NCOA6: variants seen among roughly 807,000 people sequenced by gnomAD.
The protein encoded by NCOA6 is nuclear receptor coactivator 6, also known as NRC RAP250.
Under a neutral mutation model 171.4 loss-of-function variants are expected in NCOA6, and 49 were observed. That is an observed-to-expected ratio of 0.29 (90% confidence interval 0.23 to 0.36). NCOA6 has a LOEUF of 0.36. Among genes scored for constraint, NCOA6 ranks in the 10% least tolerant of loss-of-function variants. The probability of loss-of-function intolerance (pLI) is 1.00; values close to 1 mark genes in which losing one functional copy is unlikely to be tolerated. For missense variants in NCOA6, 2,248 were observed against 2,554.5 expected (o/e 0.88, Z 2.59); for synonymous variants, 910 against 927.5 (o/e 0.98, Z 0.34).
intron 5 of NCOA6, among the ~76,000 whole-genome samples, chr20:34,761,443 G>A (rs778363806): frequency 6.8e-6 from 1 of 147,482 alleles, no homozygotes; most frequent in African/African-American, 2.5e-5. Context: ...GCATTTTTAC[G>A]TTTCCAAAAA....
chr20:34,810,419 C>G lies in NCOA6; in HGVS notation c.-164+15053G>C, dbSNP rs149538366. On this transcript the variant is annotated intron_variant, in intron 1 of 14. Coordinates refer to ENST00000359003, the MANE Select transcript of NCOA6 (RefSeq NM_014071.5). ...AAAAAATAAGTATTACAAGTGAGAA[C>G]TGCAAAAAACAAGCAAACAAGTAAA... 2.2e-4 allele frequency among the ~76,000 whole-genome samples: 33 copies of G among 152,292 alleles called. No homozygotes were observed. The East Asian group carries it at 5.8e-3, about 27-fold the overall frequency.
rs374317909 is a variant in NCOA6, at chr20:34,767,731, T to G, written c.514+733A>C. Among the ~76,000 whole-genome samples the G allele has an allele frequency of 5.3e-5, 8 of 152,198 alleles. No individual in the cohort carries two copies. The South Asian group carries it at 1.4e-3, about 28-fold the overall frequency. ...AACCACAGCAGCTGTGCTTTTCTGT[T>G]TTATTTGAATAAAGGGTCCTGAAGC... On this transcript the variant is annotated intron_variant, in intron 5 of 14. Coordinates refer to ENST00000359003, the MANE Select transcript of NCOA6 (RefSeq NM_014071.5).
At chr20:34,768,615 A>T in intron 4 of NCOA6, 29 bp from the exon 5 acceptor site, 1 of 1,609,250 alleles carries the variant, frequency 6.2e-7, no homozygotes. Context: ...ATAAAAAGGA[A>T]ATCATTAGAA....
chr20:34,750,585 C>A, intron 8 of NCOA6, 66 bp from the exon 9 acceptor site: 3 of 1,431,276 alleles, frequency 2.1e-6, no homozygotes, highest in Non-Finnish European at 2.8e-6. Flanking sequence ...TTAAGATACT[C>A]AAGTTACATT....
chr20:34,782,152 T>C lies in NCOA6; in HGVS notation c.204A>G (p.Ile68Met), dbSNP rs1255120246. 6.2e-7 allele frequency: 1 copy of C among 1,605,872 alleles called. No homozygotes were observed. The highest frequency in any genetic ancestry group is 8.5e-7 in the Non-Finnish European group (1 of 1,176,074). ...DKDFKWKLDAILKNVPNLLHM... is the reference protein window; with the variant it reads ...DKDFKWKLDAMLKNVPNLLHM... ...GTAACAAATTGGGCACGTTTTTCAA[T>C]ATTGCATCTAATTTCCATTTGAAGT... The change falls in exon 3 of 15, where the codon ATA (isoleucine) becomes ATG (methionine). Residue 68 changes from isoleucine to methionine, a missense_variant. Ile to Met is a conservative substitution (Grantham distance 10). Transcript: ENST00000359003.
chr20:34,780,863 A>C, intron 3 of NCOA6, among the ~76,000 whole-genome samples: 1 of 150,130 alleles, frequency 6.7e-6, no homozygotes, highest in East Asian at 2.0e-4. Context: ...TATATTGTCC[A>C]GGTTGGTCTT....
At chr20:34,810,580 G>A in intron 1 of NCOA6, among the ~76,000 whole-genome samples, 1 of 151,424 alleles carries the variant, frequency 6.6e-6, no homozygotes, top group Non-Finnish European at 1.5e-5. Context: ...TTTTGAGACG[G>A]AGTCTCGCTC....
chr20:34,802,722 T>A (rs552244825), intron 1 of NCOA6, among the ~76,000 whole-genome samples: 1 of 152,294 alleles, frequency 6.6e-6, no homozygotes, highest in East Asian at 1.9e-4. Flanking sequence ...AAAATATAGG[T>A]TTAATTATAT....
intron 13 of NCOA6, among the ~76,000 whole-genome samples, chr20:34,732,019 T>C (rs375051491): frequency 4.8e-4 from 73 of 152,280 alleles, no homozygotes; most frequent in African/African-American, 1.7e-3. Flanking sequence ...AGACTCTGTC[T>C]CCAAAAAAAG....
intron 4 of NCOA6, among the ~76,000 whole-genome samples, chr20:34,770,175 G>C (rs764309839): frequency 6.6e-6 from 1 of 152,082 alleles, no homozygotes; most frequent in African/African-American, 2.4e-5. Flanking sequence ...GAGTAGCTGG[G>C]ATTACAGGCA....
At chr20:34,790,480 G>A (rs1016673022) in intron 2 of NCOA6, among the ~76,000 whole-genome samples, 4 of 149,754 alleles carry the variant, frequency 2.7e-5, no homozygotes, top group Admixed American at 6.7e-5. Flanking sequence ...TCAACCTCCC[G>A]AGCAGCTGAG....
At chr20:34,758,665 GA>G in intron 6 of NCOA6, 139 bp downstream of exon 6, 1 of 1,129,390 alleles carries the variant, frequency 8.9e-7, no homozygotes. Flanking sequence ...TTAGTTTGAA[GA>G]AATCAGGTCA....
At chr20:34,788,837 G>C (rs1460334833) in intron 2 of NCOA6, among the ~76,000 whole-genome samples, 6 of 152,180 alleles carry the variant, frequency 3.9e-5, no homozygotes, top group Non-Finnish European at 7.4e-5. Context: ...CCCAGCTACT[G>C]GGAGGCTAAG....
At chr20:34,773,997 T>C (rs2077232992) in intron 4 of NCOA6, among the ~76,000 whole-genome samples, 1 of 152,242 alleles carries the variant, frequency 6.6e-6, no homozygotes, top group Admixed American at 6.5e-5. Flanking sequence ...ATCATTGTCA[T>C]ATGTGAATTT....
At chr20:34,812,928 G>A (rs2078715451) in intron 1 of NCOA6, among the ~76,000 whole-genome samples, 1 of 152,144 alleles carries the variant, frequency 6.6e-6, no homozygotes, top group Non-Finnish European at 1.5e-5. Flanking sequence ...GCTGAGGTGG[G>A]TAGACCACCT....
chr20:34,752,118 A>G (rs887681376), intron 8 of NCOA6, among the ~76,000 whole-genome samples: 1 of 152,184 alleles, frequency 6.6e-6, no homozygotes, highest in Non-Finnish European at 1.5e-5. Flanking sequence ...TTGGCCTCCC[A>G]AAGTGCTGGG....
At position 34,817,185 on chromosome 20, in the gene NCOA6, ACTGATATTCAACAGATTCAATATCAGT is replaced by A. The variant is rs1555860873; in HGVS notation, c.-164+8260_-164+8286del. On this transcript the variant is annotated intron_variant, in intron 1 of 14. Transcript: ENST00000359003. Reference sequence around the variant, plus strand: ...AATGTATATAAATGGGTACTACGGAACTGATATTCAACAGATTCAATATCAGTAAAGGAGCTGATTAATGGGAACTTT... The same window carrying A: ...AATGTATATAAATGGGTACTACGGAAAAAGGAGCTGATTAATGGGAACTTT... Among the ~76,000 whole-genome samples, 169 of 126,168 alleles carry A rather than the reference ACTGATATTCAACAGATTCAATATCAGT, an allele frequency of 1.3e-3. 30 individuals carry two copies. The highest frequency in any genetic ancestry group is 8.8e-3 in the Middle Eastern group (2 of 226). The allele number at this position is 126,168 out of a possible 152,430, so 82.8% of individuals were successfully genotyped here. A position where few individuals can be genotyped will look rare whatever the true frequency, so the allele number is the denominator to read the frequency against.
At chr20:34,747,074 T>C in intron 9 of NCOA6, 146 bp from the exon 10 acceptor site, 2 of 837,158 alleles carry the variant, frequency 2.4e-6, no homozygotes, top group Non-Finnish European at 3.3e-6. Flanking sequence ...CTAGATAAAA[T>C]ATTAAATATT....
chr20:34,747,378 A>G (rs994563374), intron 9 of NCOA6, among the ~76,000 whole-genome samples: 1 of 152,216 alleles, frequency 6.6e-6, no homozygotes, highest in Non-Finnish European at 1.5e-5. Flanking sequence ...AAAAGGTTGT[A>G]TAGGTTGGCT....
Sources: gnomAD v4.1 joint callset for allele counts (sites outside exome capture counted in the v4.1 genomes callset) on GRCh38, gnomAD v4.1.1 for gene constraint, MANE v1.5 for transcripts, NCBI Gene and HGNC (gene_info 2026-07-23, HGNC 2026-07-21) for gene names.